Variants in IGF1 observed in about 807,000 individuals in gnomAD.
IGF1 encodes the protein insulin like growth factor 1.
IGF1 carries 4 observed loss-of-function variants against 13.8 expected under a neutral mutation model. The observed-to-expected ratio is 0.29, with a 90% CI of 0.14 to 0.66. IGF1 has a LOEUF of 0.66. Among genes scored for constraint, IGF1 ranks in the 30% least tolerant of loss-of-function variants. IGF1 has a pLI of 0.78. For missense variants in IGF1, 124 were observed against 188.5 expected (o/e 0.66, Z 2.00); for synonymous variants, 76 against 72.6 (o/e 1.05, Z -0.23).
chr12:102,451,757 G>A (rs1878956441), intron 2 of IGF1, among the ~76,000 whole-genome samples: 1 of 152,148 alleles, frequency 6.6e-6, no homozygotes, highest in African/African-American at 2.4e-5. Context: ...GTTTGGTTCA[G>A]TGTTGACAGG....
intron 1 of IGF1, among the ~76,000 whole-genome samples, chr12:102,479,552 CAG>C (rs1465532549): frequency 2.0e-5 from 3 of 152,194 alleles, no homozygotes; most frequent in Admixed American, 1.3e-4. Flanking sequence ...AATATAAAAT[CAG>C]AGTTTTATAA....
At chr12:102,450,182 CT>C (rs1050898888) in intron 2 of IGF1, among the ~76,000 whole-genome samples, 2 of 152,142 alleles carry the variant, frequency 1.3e-5, no homozygotes, top group Non-Finnish European at 2.9e-5. Context: ...CCCTGTCATT[CT>C]TTTTCTTTTT....
chr12:102,422,416 T>C (rs1358321127), intron 2 of IGF1, among the ~76,000 whole-genome samples: 1 of 152,214 alleles, frequency 6.6e-6, no homozygotes, highest in Non-Finnish European at 1.5e-5. Flanking sequence ...ACCTATTGCC[T>C]TTTGAAGTTT....
intron 3 of IGF1, among the ~76,000 whole-genome samples, chr12:102,411,064 A>G (rs1330689037): frequency 2.6e-5 from 4 of 152,260 alleles, no homozygotes; most frequent in Admixed American, 1.3e-4. Flanking sequence ...CCTTCATCCT[A>G]GTGTTCTTTT....
chr12:102,438,473 A>G (rs916594340), intron 2 of IGF1, among the ~76,000 whole-genome samples: 2 of 152,248 alleles, frequency 1.3e-5, no homozygotes, highest in African/African-American at 2.4e-5. Flanking sequence ...AGCCTATTCA[A>G]GATGGTCGAG....
intron 2 of IGF1, among the ~76,000 whole-genome samples, chr12:102,444,067 T>C (rs1173085651): frequency 6.6e-6 from 1 of 151,814 alleles, no homozygotes; most frequent in Non-Finnish European, 1.5e-5. Context: ...CCTCAAGTGA[T>C]CCGCCTGCCT....
chr12:102,462,216 G>T (rs568543816), intron 2 of IGF1, among the ~76,000 whole-genome samples: 1 of 152,178 alleles, frequency 6.6e-6, no homozygotes, highest in Non-Finnish European at 1.5e-5. Context: ...TTGTAAACAA[G>T]AGATACAAGA....
At chr12:102,452,228 C>T (rs890697309) in intron 2 of IGF1, among the ~76,000 whole-genome samples, 2 of 127,774 alleles carry the variant, frequency 1.6e-5, no homozygotes, top group Admixed American at 2.0e-4. Flanking sequence ...CGCCACTGCA[C>T]TCCAGCCTGG....
chr12:102,434,467 A>G (rs932440372), intron 2 of IGF1, among the ~76,000 whole-genome samples: 1 of 150,226 alleles, frequency 6.7e-6, no homozygotes, highest in Non-Finnish European at 1.5e-5. Context: ...TGTCCCTACA[A>G]AGGACATGAA....
intron 2 of IGF1, among the ~76,000 whole-genome samples, chr12:102,431,870 C>T (rs1226396541): frequency 6.6e-6 from 1 of 152,168 alleles, no homozygotes; most frequent in Non-Finnish European, 1.5e-5. Flanking sequence ...AGTCTGTGCA[C>T]TTCCGCAGTT....
intron 2 of IGF1, among the ~76,000 whole-genome samples, chr12:102,430,424 C>T (rs1365548864): frequency 6.6e-6 from 1 of 152,096 alleles, no homozygotes; most frequent in Non-Finnish European, 1.5e-5. Context: ...CATTTAGTAA[C>T]CTTTAGGCTG....
rs1455618171 is a variant in IGF1 at position 102,419,410 on chromosome 12, A to T, written c.402+99T>A. The T allele has an allele frequency of 3.3e-6, 4 of 1,200,922 alleles. No homozygotes were observed. The Admixed American group carries it at 9.1e-5, about 27-fold the overall frequency. The allele number at this position is 1,200,922 out of a possible 1,614,324, so 74.4% of individuals were successfully genotyped here. A position where few individuals can be genotyped will look rare whatever the true frequency, so the allele number is the denominator to read the frequency against. On this transcript the variant is annotated intron_variant, in intron 3 of 3. Transcript: ENST00000337514. ...GTGCAAAGGAGCTTTTCTGACTTGT[A>T]AGCCAGGAGACTATGGGGCAGGATT...
At chr12:102,441,767 G>T (rs966245454) in intron 2 of IGF1, among the ~76,000 whole-genome samples, 1 of 152,060 alleles carries the variant, frequency 6.6e-6, no homozygotes, top group African/African-American at 2.4e-5. Context: ...GATGGACACT[G>T]TTATCATCTT....
At chr12:102,453,386 C>T (rs1482252632) in intron 2 of IGF1, among the ~76,000 whole-genome samples, 4 of 152,162 alleles carry the variant, frequency 2.6e-5, no homozygotes, top group Admixed American at 2.6e-4. Context: ...AACTTTTCTT[C>T]AGGCCTCAGT....
rs576155813 is a variant in IGF1, at chr12:102,468,172, T to G, written c.220+7471A>C. The stretch of plus-strand genomic sequence containing the variant: ...CCTCTTTTTTTTGGCATGGAAATCT[T>G]TATTCCTGCAGAATGCCTGAGCATT... On this transcript the variant is annotated intron_variant, in intron 2 of 3. Coordinates refer to ENST00000337514, the MANE Select transcript of IGF1 (RefSeq NM_000618.5). 3.3e-4 allele frequency among the ~76,000 whole-genome samples: 51 copies of G among 152,350 alleles called. No homozygotes were observed. The South Asian group carries it at 0.011, about 32-fold the overall frequency.
In IGF1 at chr12:102,402,449, G is replaced by A. The variant is rs751113096; in HGVS notation, c.*58C>T. The A allele has an allele frequency of 2.6e-5, 20 of 780,086 alleles. No individual in the cohort carries two copies. The highest frequency in any genetic ancestry group is 2.0e-4 in the Admixed American group (12 of 58,966). The allele number at this position is 780,086 out of a possible 1,614,324, so 48.3% of individuals were successfully genotyped here. A position where few individuals can be genotyped will look rare whatever the true frequency, so the allele number is the denominator to read the frequency against. On this transcript the variant is annotated 3_prime_UTR_variant, in exon 4 of 4. Transcript: ENST00000337514. ...TGTTCCAAAGTTTAACAGGTAACTC[G>A]TGCAGAGCAAAGGATCCTGCGGTGG...
At chr12:102,481,523 C>T (rs949819195), upstream of IGF1, among the ~76,000 whole-genome samples, 1 of 152,064 alleles carries the variant, frequency 6.6e-6, no homozygotes, top group Non-Finnish European at 1.5e-5. Context: ...GGTGACTGGC[C>T]GGCAACATGG....
chr12:102,474,220 G>A (rs1880870856), intron 2 of IGF1, among the ~76,000 whole-genome samples: 1 of 152,118 alleles, frequency 6.6e-6, no homozygotes, highest in African/African-American at 2.4e-5. Flanking sequence ...GTCTGCTATT[G>A]GAAAATCACT....
At chr12:102,428,479 A>G (rs1246757828) in intron 2 of IGF1, among the ~76,000 whole-genome samples, 2 of 151,936 alleles carry the variant, frequency 1.3e-5, no homozygotes, top group Admixed American at 1.3e-4. Flanking sequence ...TGGATTGCAG[A>G]AGCCAGCTCA....
Sources: gnomAD v4.1 joint callset for allele counts (sites outside exome capture counted in the v4.1 genomes callset) on GRCh38, gnomAD v4.1.1 for gene constraint, MANE v1.5 for transcripts, NCBI Gene and HGNC (gene_info 2026-07-23, HGNC 2026-07-21) for gene names.